The following ZNF157 variants were observed in gnomAD, a reference collection of about 807,000 sequenced individuals.
ZNF157 encodes zinc finger protein 22.
Under a neutral mutation model 9.4 loss-of-function variants are expected in ZNF157, and 8 were observed. The ratio of observed to expected loss-of-function variants is 0.85; its 90% CI spans 0.50 to 1.53. The LOEUF (loss-of-function observed/expected upper bound fraction) is 1.53, where lower values mean the gene tolerates loss of function less well. ZNF157 is among the 40% of genes most tolerant of loss of function. The pLI is 0.00. For missense variants in ZNF157, 316 were observed against 385.2 expected (o/e 0.82, Z 1.50); for synonymous variants, 120 against 130.8 (o/e 0.92, Z 0.56).
rs150349635 is a variant in ZNF157 at position 47,413,453 on chromosome X, T to A, written c.1380T>A (p.His460Gln). ...ATGTGAAAGTACGCCTCATTGAACA[T>A]CAGCGAATTCACACAGGAGAGAGAC... The part of the protein sequence containing the change: ...AFYVKVRLIE[H>Q]QRIHTGERPF... The change falls in exon 4 of 4, where the codon CAT (histidine) becomes CAA (glutamine). Residue 460 changes from histidine to glutamine, a missense_variant. His to Gln is a conservative substitution (Grantham distance 24). Transcript: ENST00000377073. 1 of 1,211,890 alleles carries A rather than the reference T, an allele frequency of 8.3e-7. No homozygotes were observed. Among genetic ancestry groups the A allele is most frequent in the African/African-American group, 1.7e-5 (1 of 57,852 alleles).
chrX:47,380,992 AAGGAGG>A (rs1225753204), intron 1 of ZNF157, among the ~76,000 whole-genome samples: 1 of 44,282 alleles, frequency 2.3e-5, no homozygotes, highest in Admixed American at 2.7e-4. Context: ...GGAGAAAGAG[AAGGAGG>A]AGGAGGAGGA....
chrX:47,398,241 G>T (rs760575926), intron 1 of ZNF157, among the ~76,000 whole-genome samples: 19 of 111,326 alleles, frequency 1.7e-4, no homozygotes, highest in Non-Finnish European at 3.0e-4. Context: ...TCAGACTCCT[G>T]CAGGACATTG....
intron 1 of ZNF157, among the ~76,000 whole-genome samples, chrX:47,408,934 C>G (rs2055955230): frequency 1.8e-5 from 2 of 111,979 alleles, no homozygotes; most frequent in South Asian, 7.4e-4. Context: ...TGGGTGGAGA[C>G]ACAGATCCAA....
chrX:47,408,955 G>C (rs1389315905), intron 1 of ZNF157, among the ~76,000 whole-genome samples: 1 of 111,840 alleles, frequency 8.9e-6, no homozygotes, highest in Non-Finnish European at 1.9e-5. Context: ...ACCATATCAG[G>C]AATTTACTCT....
chrX:47,396,744 T>G (rs1397917499), intron 1 of ZNF157, among the ~76,000 whole-genome samples: 3 of 111,154 alleles, frequency 2.7e-5, no homozygotes, highest in African/African-American at 9.8e-5. Flanking sequence ...CTCATGCTGC[T>G]AATAAAGACA....
At chrX:47,409,714 G>A (rs775852988) in intron 1 of ZNF157, among the ~76,000 whole-genome samples, 18 of 107,669 alleles carry the variant, frequency 1.7e-4, no homozygotes, top group African/African-American at 6.1e-4. Context: ...TGTGATCTTG[G>A]CTCACTGCAA....
chrX:47,389,548 C>T (rs2055890854), intron 1 of ZNF157, among the ~76,000 whole-genome samples: 1 of 111,170 alleles, frequency 9.0e-6, no homozygotes, highest in Non-Finnish European at 1.9e-5. Flanking sequence ...AGGAGGTCTC[C>T]CTATGTTCCC....
chrX:47,381,120 AGAGCAGGAGGAGGAG>A (rs1490901735), intron 1 of ZNF157, among the ~76,000 whole-genome samples: 1 of 67,218 alleles, frequency 1.5e-5, no homozygotes, highest in Non-Finnish European at 2.8e-5. Flanking sequence ...AGAAGGAGAA[AGAGCAGGAGGAGGAG>A]GAGCAGGAGG....
Position 47,413,397 on chromosome X carries a change from T to C in ZNF157, c.1324T>C (p.Tyr442His), listed in dbSNP as rs762248809. The change falls in exon 4 of 4, where the codon TAT becomes CAT. Residue 442 changes from tyrosine to histidine, a missense_variant. Tyr to His is a moderately conservative substitution (Grantham distance 83, BLOSUM62 2). This residue lies in a region of ZNF157 where 167 missense variants were observed against 183.6 expected (regional missense o/e 0.91). Transcript: ENST00000377073. ...HRRTHTGEKPYECSECGNAFY... is the reference protein window; with the variant it reads ...HRRTHTGEKPHECSECGNAFY... ...GAGAACTCACACAGGAGAGAAACCT[T>C]ATGAATGTAGTGAATGTGGAAATGC... 1.7e-6 allele frequency: 2 copies of C among 1,210,322 alleles called. No individual in the cohort carries two copies. Among genetic ancestry groups the C allele is most frequent in the African/African-American group, 3.5e-5 (2 of 57,267 alleles).
At chrX:47,372,990 A>G (rs1283558992) in intron 1 of ZNF157, among the ~76,000 whole-genome samples, 1 of 108,485 alleles carries the variant, frequency 9.2e-6, no homozygotes, top group Non-Finnish European at 1.9e-5. Context: ...GCTTGAGGTC[A>G]GGAGTTCAAG....
In ZNF157 at chrX:47,410,687, C is replaced by T. The variant is rs150123180; in HGVS notation, c.207C>T (p.Cys69=). 93 of 1,202,092 alleles carry T rather than the reference C, an allele frequency of 7.7e-5. No individual in the cohort carries two copies. Among genetic ancestry groups the T allele is most frequent in the Admixed American group, 2.0e-4 (9 of 44,626 alleles). The change falls in exon 3 of 4, where the codon TGC becomes TGT. Residue 69 remains cysteine (C), a synonymous_variant. Transcript: ENST00000377073. The part of the protein sequence containing the change: ...TYSNLASVGL[C]VAKPEMIFKL... ...GCCATTTCCCATTAACAGGCCTCTG[C>T]GTGGCCAAACCAGAGATGATCTTCA...
At chrX:47,405,848 T>C (rs781613537) in intron 1 of ZNF157, among the ~76,000 whole-genome samples, 51 of 110,857 alleles carry the variant, frequency 4.6e-4, no homozygotes, top group African/African-American at 1.6e-3. Context: ...TTTTCATTTT[T>C]ATTTTTCAGT....
chrX:47,385,274 A>G lies in ZNF157; in HGVS notation c.72+14534A>G, dbSNP rs148421810. On this transcript the variant is annotated intron_variant, in intron 1 of 3. Transcript: ENST00000377073. ...AGTATTTAAGTATTTACAAATTTAT[A>G]TTCTTCTCATCATATAAATTGGAAT... 8.9e-5 allele frequency among the ~76,000 whole-genome samples: 10 copies of G among 111,835 alleles called. No homozygotes were observed. In the East Asian group the frequency reaches 2.8e-3, roughly 31 times the overall value.
At chrX:47,371,228 C>T (rs1238674208) in intron 1 of ZNF157, among the ~76,000 whole-genome samples, 2 of 109,889 alleles carry the variant, frequency 1.8e-5, no homozygotes, top group Non-Finnish European at 3.8e-5. Flanking sequence ...CTCCCAGCTA[C>T]TCGGGAGGTT....
chrX:47,387,077 C>A (rs182838816), intron 1 of ZNF157, among the ~76,000 whole-genome samples: 1 of 108,611 alleles, frequency 9.2e-6, no homozygotes, highest in Admixed American at 9.9e-5. Context: ...CGTCCATCAG[C>A]GTCCCAAGTA....
intron 1 of ZNF157, among the ~76,000 whole-genome samples, chrX:47,383,581 G>A (rs935231031): frequency 8.8e-5 from 9 of 102,670 alleles, no homozygotes; most frequent in Non-Finnish European, 1.2e-4. Context: ...GGTGGTGCAC[G>A]CCTGTAATTC....
In ZNF157 at chrX:47,394,048, T is replaced by C. The variant is rs2055906227; in HGVS notation, c.73-16228T>C. ...CACGATCTCAGCTCACTGCAAGCTC[T>C]GCCTCCCAGGTTCACACCATTCTCC... On this transcript the variant is annotated intron_variant, in intron 1 of 3. Coordinates refer to ENST00000377073, the MANE Select transcript of ZNF157 (RefSeq NM_003446.4). 2.8e-5 allele frequency among the ~76,000 whole-genome samples: 3 copies of C among 108,305 alleles called. No individual in the cohort carries two copies. In the South Asian group the frequency reaches 1.2e-3, roughly 45 times the overall value. 94.0% of individuals were successfully genotyped at this position (108,305 alleles called of 115,157 possible). A position where few individuals can be genotyped will look rare whatever the true frequency, so the allele number is the denominator to read the frequency against.
At chrX:47,374,998 CTTTTTTT>C (rs769541152) in intron 1 of ZNF157, among the ~76,000 whole-genome samples, 2 of 24,994 alleles carry the variant, frequency 8.0e-5, no homozygotes, top group East Asian at 1.8e-3. Flanking sequence ...GGCTGACAAT[CTTTTTTT>C]TTTTTTTTTT....
At position 47,413,272 on chromosome X, in the gene ZNF157, G is replaced by A. The variant is rs758553770; in HGVS notation, c.1199G>A (p.Arg400His). The change falls in exon 4 of 4, where the codon CGC becomes CAC. Residue 400 changes from arginine (R) to histidine (H), a missense_variant. By Grantham distance (29) the Arg-to-His change is conservative. This residue lies in a region of ZNF157 where 167 missense variants were observed against 183.6 expected (regional missense o/e 0.91). Coordinates refer to ENST00000377073, the MANE Select transcript of ZNF157 (RefSeq NM_003446.4). The stretch of plus-strand genomic sequence containing the variant: ...GGTAATGCTTTCTATGTGAAAGCAC[G>A]CCTAATTGAACATCAGAGGATGCAT... Reference protein sequence around the residue: ...ECGNAFYVKARLIEHQRMHSG... With the variant: ...ECGNAFYVKAHLIEHQRMHSG... 145 of 1,209,587 alleles carry A rather than the reference G, an allele frequency of 1.2e-4. No individual in the cohort carries two copies. The highest frequency in any genetic ancestry group is 1.6e-4 in the Non-Finnish European group (140 of 895,044).
Sources: gnomAD v4.1 joint callset for allele counts (sites outside exome capture counted in the v4.1 genomes callset) on GRCh38, gnomAD v4.1.1 for gene constraint, gnomAD v4.1.1 regional missense constraint, MANE v1.5 for transcripts, NCBI Gene and HGNC (gene_info 2026-07-23, HGNC 2026-07-21) for gene names.